The following NPAS3 variants were observed in gnomAD, a reference collection of about 807,000 sequenced individuals.
NPAS3 encodes neuronal PAS domain protein 3, also known as neuronal PAS domain-containing protein 3.
A neutral mutation model predicts 73.1 loss-of-function variants in NPAS3; 14 were observed. That is an observed-to-expected ratio of 0.19 (90% CI 0.13 to 0.30). NPAS3 has a LOEUF of 0.30. Among genes scored for constraint, NPAS3 ranks in the 10% least tolerant of loss-of-function variants. The pLI is 1.00. For missense variants in NPAS3, 1,096 were observed against 1,250.0 expected, an observed-to-expected ratio of 0.88 and a Z score of 1.86; for synonymous variants, 620 against 541.5, an observed-to-expected ratio of 1.14 and a Z score of -2.01.
chr14:33,202,684 C>T (rs1594382145), intron 2 of NPAS3, among the ~76,000 whole-genome samples: 1 of 146,704 alleles, frequency 6.8e-6, no homozygotes, highest in Non-Finnish European at 1.5e-5. Flanking sequence ...AAATAAAAAA[C>T]AATTTTAAGC....
chr14:33,681,603 C>A (rs2059939698), intron 6 of NPAS3, among the ~76,000 whole-genome samples: 1 of 152,150 alleles, frequency 6.6e-6, no homozygotes, highest in Admixed American at 6.5e-5. Context: ...ATTTTTATTG[C>A]CAATATATCT....
At chr14:32,980,946 C>T (rs1219881264) in intron 1 of NPAS3, among the ~76,000 whole-genome samples, 1 of 152,068 alleles carries the variant, frequency 6.6e-6, no homozygotes, top group Non-Finnish European at 1.5e-5. Context: ...CACACGCATA[C>T]ACACACACAT....
At chr14:33,602,925 C>G (rs969614221) in intron 5 of NPAS3, among the ~76,000 whole-genome samples, 1 of 152,114 alleles carries the variant, frequency 6.6e-6, no homozygotes, top group Non-Finnish European at 1.5e-5. Context: ...CACAACAAAT[C>G]TCAGTGATAT....
chr14:33,455,192 AG>A (rs2049972067), intron 4 of NPAS3, among the ~76,000 whole-genome samples: 1 of 152,230 alleles, frequency 6.6e-6, no homozygotes, highest in South Asian at 2.1e-4. Flanking sequence ...AAACAAACAA[AG>A]CTTTGGTTTA....
chr14:33,462,540 G>C (rs2050321610), intron 4 of NPAS3, among the ~76,000 whole-genome samples: 1 of 152,198 alleles, frequency 6.6e-6, no homozygotes, highest in African/African-American at 2.4e-5. Context: ...CCTGGAGGAA[G>C]GGTAACGGGG....
At chr14:32,970,923 G>C (rs1384006297) in intron 1 of NPAS3, among the ~76,000 whole-genome samples, 1 of 152,036 alleles carries the variant, frequency 6.6e-6, no homozygotes, top group Non-Finnish European at 1.5e-5. Context: ...CTGGGGGTTA[G>C]AACTTCAACA....
intron 1 of NPAS3, among the ~76,000 whole-genome samples, chr14:33,018,868 C>A (rs2039488544): frequency 6.6e-6 from 1 of 151,902 alleles, no homozygotes; most frequent in African/African-American, 2.4e-5. Context: ...GGTGACATTT[C>A]TTTGACGTTT....
chr14:33,755,833 C>T (rs1381751409), intron 7 of NPAS3, among the ~76,000 whole-genome samples: 1 of 152,056 alleles, frequency 6.6e-6, no homozygotes, highest in Non-Finnish European at 1.5e-5. Flanking sequence ...GCTGCTTCCA[C>T]TCGTGGCAGA....
At chr14:33,351,301 G>A (rs1443152947) in intron 3 of NPAS3, among the ~76,000 whole-genome samples, 3 of 152,140 alleles carry the variant, frequency 2.0e-5, no homozygotes, top group South Asian at 2.1e-4. Flanking sequence ...TGGGGTCGAC[G>A]ACAAACATGA....
intron 9 of NPAS3, among the ~76,000 whole-genome samples, chr14:33,789,132 A>G (rs1354143527): frequency 6.6e-6 from 1 of 152,184 alleles, no homozygotes; most frequent in Non-Finnish European, 1.5e-5. Context: ...TTCAACAGCC[A>G]AAGACACACT....
At chr14:33,587,138 A>G (rs1045964303) in intron 5 of NPAS3, among the ~76,000 whole-genome samples, 2 of 152,136 alleles carry the variant, frequency 1.3e-5, no homozygotes, top group African/African-American at 4.8e-5. Flanking sequence ...CAATTTGAAA[A>G]CTATTTTTGT....
chr14:33,672,122 G>C (rs2059625498), intron 5 of NPAS3, among the ~76,000 whole-genome samples: 1 of 152,054 alleles, frequency 6.6e-6, no homozygotes, highest in Non-Finnish European at 1.5e-5. Flanking sequence ...GTTAAACAGA[G>C]TTTTGCCGTA....
intron 4 of NPAS3, among the ~76,000 whole-genome samples, chr14:33,407,318 A>C (rs1192404484): frequency 1.3e-5 from 2 of 152,078 alleles, no homozygotes; most frequent in South Asian, 2.1e-4. Flanking sequence ...AGTCCTAGGT[A>C]CTTCTTTTTC....
intron 5 of NPAS3, among the ~76,000 whole-genome samples, chr14:33,584,868 G>A (rs115785295): frequency 1.3e-3 from 194 of 152,246 alleles, no homozygotes; most frequent in African/African-American, 4.5e-3. Flanking sequence ...ACATGCACAT[G>A]TTAACAGTAA....
At chr14:33,169,164 C>T (rs1005586330) in intron 2 of NPAS3, among the ~76,000 whole-genome samples, 1 of 152,292 alleles carries the variant, frequency 6.6e-6, no homozygotes, top group East Asian at 1.9e-4. Flanking sequence ...TTTCTAAATA[C>T]TCTTTTATTT....
chr14:33,588,687 C>G (rs1188943241), intron 5 of NPAS3, among the ~76,000 whole-genome samples: 1 of 152,196 alleles, frequency 6.6e-6, no homozygotes, highest in African/African-American at 2.4e-5. Flanking sequence ...GACCTTGGCT[C>G]ACTGCAACCT....
intron 2 of NPAS3, among the ~76,000 whole-genome samples, chr14:33,128,140 T>C (rs2043498122): frequency 6.6e-6 from 1 of 152,152 alleles, no homozygotes; most frequent in South Asian, 2.1e-4. Flanking sequence ...CTGTAAAAAT[T>C]AGTGAACCTC....
chr14:33,456,278 T>C (rs376405126), intron 4 of NPAS3, among the ~76,000 whole-genome samples: 53 of 152,294 alleles, frequency 3.5e-4, no homozygotes, highest in African/African-American at 1.2e-3. Context: ...TGAAATATCA[T>C]AGGTGACAAT....
intron 2 of NPAS3, among the ~76,000 whole-genome samples, chr14:33,153,238 T>C (rs927644221): frequency 2.6e-5 from 4 of 152,124 alleles, no homozygotes; most frequent in African/African-American, 9.7e-5. Flanking sequence ...ATCTGAGTCG[T>C]ATCTTCTGTG....
Sources: gnomAD v4.1 joint callset for allele counts (sites outside exome capture counted in the v4.1 genomes callset) on GRCh38, gnomAD v4.1.1 for gene constraint, MANE v1.5 for transcripts, NCBI Gene and HGNC (gene_info 2026-07-23, HGNC 2026-07-21) for gene names.